GRID2: variants seen among roughly 807,000 people sequenced by gnomAD.
GRID2 encodes the protein glutamate receptor ionotropic, delta-2.
In GRID2, 33 loss-of-function variants were observed where a neutral mutation model predicts 114.8. The observed-to-expected ratio is 0.29, with a 90% CI of 0.22 to 0.38. GRID2 has a LOEUF of 0.38. Ranked by LOEUF, GRID2 falls within the 10% of genes least tolerant of loss-of-function variation. The pLI is 1.00. For synonymous variants in GRID2, 505 were observed against 449.9 expected (o/e 1.12, Z -1.55); for missense variants, 1,184 against 1,257.7 (o/e 0.94, Z 0.89).
chr4:92,547,091 A>T (rs530814136), intron 1 of GRID2, among the ~76,000 whole-genome samples: 18 of 152,302 alleles, frequency 1.2e-4, no homozygotes, highest in African/African-American at 3.8e-4. Flanking sequence ...GGTTTCTGTA[A>T]CTTTGAACCA....
intron 14 of GRID2, among the ~76,000 whole-genome samples, chr4:93,651,866 C>A (rs1470970058): frequency 6.6e-6 from 1 of 152,124 alleles, no homozygotes; most frequent in Non-Finnish European, 1.5e-5. Context: ...TACACAACCC[C>A]AGCCTCCAAA....
At chr4:93,139,054 C>T (rs747754195) in intron 4 of GRID2, among the ~76,000 whole-genome samples, 7 of 152,322 alleles carry the variant, frequency 4.6e-5, no homozygotes, top group Admixed American at 1.3e-4. Flanking sequence ...ATAAATCAGG[C>T]TCCAATCAAA....
At chr4:92,310,026 A>G (rs916111829) in intron 1 of GRID2, among the ~76,000 whole-genome samples, 2 of 152,032 alleles carry the variant, frequency 1.3e-5, no homozygotes, top group South Asian at 2.1e-4. Flanking sequence ...GGACACAAAT[A>G]CATCTAAAAA....
At chr4:92,365,518 TG>T (rs1440809423) in intron 1 of GRID2, among the ~76,000 whole-genome samples, 1 of 151,632 alleles carries the variant, frequency 6.6e-6, no homozygotes, top group African/African-American at 2.4e-5. Flanking sequence ...GGTGAGGGAA[TG>T]GAAAGTTCCT....
intron 2 of GRID2, among the ~76,000 whole-genome samples, chr4:93,043,230 A>T (rs561938523): frequency 6.6e-6 from 1 of 152,190 alleles, no homozygotes; most frequent in African/African-American, 2.4e-5. Flanking sequence ...TTCAGAAATC[A>T]AACTGCAGTT....
chr4:92,319,202 G>A (rs1173559731), intron 1 of GRID2, among the ~76,000 whole-genome samples: 2 of 152,004 alleles, frequency 1.3e-5, no homozygotes, highest in African/African-American at 4.8e-5. Flanking sequence ...TATCTTATAT[G>A]CATGTTATTC....
chr4:92,604,145 C>T (rs1340176087), intron 2 of GRID2, among the ~76,000 whole-genome samples: 5 of 152,198 alleles, frequency 3.3e-5, no homozygotes, highest in South Asian at 4.1e-4. Flanking sequence ...CCTCAAAGAA[C>T]TAAAACCAGA....
At chr4:92,681,802 G>C (rs1733663064) in intron 2 of GRID2, among the ~76,000 whole-genome samples, 1 of 152,040 alleles carries the variant, frequency 6.6e-6, no homozygotes, top group Admixed American at 6.6e-5. Context: ...TTGGTTTGTT[G>C]ATTTAAAAAT....
intron 11 of GRID2, among the ~76,000 whole-genome samples, chr4:93,485,699 A>T (rs747878298): frequency 2.6e-5 from 4 of 151,772 alleles, no homozygotes; most frequent in Non-Finnish European, 5.9e-5. Context: ...GTATGCATGG[A>T]CAACTTTCAT....
At chr4:92,815,833 A>G (rs931961986) in intron 2 of GRID2, among the ~76,000 whole-genome samples, 18 of 148,438 alleles carry the variant, frequency 1.2e-4, no homozygotes, top group Admixed American at 2.0e-4. Context: ...AGGTGGAAAG[A>G]TCACCTGAGT....
Position 93,238,496 on chromosome 4 carries a change from A to T in GRID2, c.1245+6A>T. 4 of 1,608,208 alleles carry T rather than the reference A, an allele frequency of 2.5e-6. No homozygotes were observed. The highest frequency in any genetic ancestry group is 3.4e-6 in the Non-Finnish European group (4 of 1,175,692). On this transcript the variant is annotated splice_donor_region_variant and intron_variant, in intron 8 of 15. Transcript: ENST00000282020. Reference sequence around the variant, plus strand: ...TTGGCAGAGGTGTTCGAAAAGTAAGACAAGACACACTGATTAATACGCTTT... The same window carrying T: ...TTGGCAGAGGTGTTCGAAAAGTAAGTCAAGACACACTGATTAATACGCTTT...
At chr4:92,635,287 AGTTT>A (rs971081478) in intron 2 of GRID2, among the ~76,000 whole-genome samples, 32 of 152,154 alleles carry the variant, frequency 2.1e-4, no homozygotes, top group Admixed American at 1.8e-3. Flanking sequence ...AAGGCAGTCT[AGTTT>A]GTTTATGTGT....
intron 1 of GRID2, among the ~76,000 whole-genome samples, chr4:92,352,828 A>C (rs182922012): frequency 6.6e-6 from 1 of 152,058 alleles, no homozygotes. Flanking sequence ...TTTTGCTTTT[A>C]ACAGATTGAT....
intron 1 of GRID2, among the ~76,000 whole-genome samples, chr4:92,464,192 A>C (rs574910585): frequency 8.5e-5 from 13 of 152,180 alleles, no homozygotes; most frequent in African/African-American, 3.1e-4. Context: ...TCACAGCAAA[A>C]ACCAAAAGAA....
intron 2 of GRID2, among the ~76,000 whole-genome samples, chr4:92,647,081 A>G (rs1456760005): frequency 2.0e-5 from 3 of 152,316 alleles, no homozygotes; most frequent in South Asian, 2.1e-4. Context: ...CTGAGAGGCA[A>G]TGTTTCCCAA....
At chr4:92,617,200 T>C (rs531018464) in intron 2 of GRID2, among the ~76,000 whole-genome samples, 2 of 151,474 alleles carry the variant, frequency 1.3e-5, no homozygotes, top group Admixed American at 6.6e-5. Context: ...TACTACCCTC[T>C]AGTATCCTCA....
At chr4:93,273,460 TC>T (rs56915493) in intron 8 of GRID2, among the ~76,000 whole-genome samples, 2,721 of 74,572 alleles carry the variant, frequency 0.036, 76 homozygotes, top group African/African-American at 0.18. Flanking sequence ...CAGAATAATA[TC>T]CCCCCCCCCA....
At chr4:92,975,967 CTT>C (rs1753844229) in intron 2 of GRID2, among the ~76,000 whole-genome samples, 2 of 151,970 alleles carry the variant, frequency 1.3e-5, no homozygotes, top group Admixed American at 6.6e-5. Context: ...ATATTTGTGT[CTT>C]TGTTGTACTC....
intron 2 of GRID2, among the ~76,000 whole-genome samples, chr4:92,641,081 C>T (rs536475243): frequency 1.9e-3 from 289 of 151,702 alleles, no homozygotes; most frequent in South Asian, 0.012. Flanking sequence ...TAATTTTGTG[C>T]TCTTTTTTTC....
Sources: gnomAD v4.1 joint callset for allele counts (sites outside exome capture counted in the v4.1 genomes callset) on GRCh38, gnomAD v4.1.1 for gene constraint, MANE v1.5 for transcripts, NCBI Gene and HGNC (gene_info 2026-07-23, HGNC 2026-07-21) for gene names.